The following NLGN1 variants were observed in gnomAD, a reference collection of about 807,000 sequenced individuals.
The protein encoded by NLGN1 is neuroligin-1.
Under a neutral mutation model 65.5 loss-of-function variants are expected in NLGN1, and 12 were observed. The ratio of observed to expected loss-of-function variants is 0.18; its 90% CI spans 0.12 to 0.30. NLGN1 has a LOEUF of 0.30. Ranked by LOEUF, NLGN1 falls within the 10% of genes least tolerant of loss-of-function variation. The probability of loss-of-function intolerance (pLI) is 1.00; values close to 1 mark genes in which losing one functional copy is unlikely to be tolerated. For synonymous variants in NLGN1, 350 were observed against 359.5 expected (o/e 0.97, Z 0.30); for missense variants, 750 against 1,007.1 (o/e 0.74, Z 3.46).
chr3:173,843,221 G>A (rs1725113406), intron 4 of NLGN1, among the ~76,000 whole-genome samples: 1 of 152,164 alleles, frequency 6.6e-6, no homozygotes. Flanking sequence ...GGGACCCTGG[G>A]CCCAGCACAC....
At chr3:174,154,958 A>T (rs963516477) in intron 4 of NLGN1, among the ~76,000 whole-genome samples, 88 of 139,942 alleles carry the variant, frequency 6.3e-4, no homozygotes, top group African/African-American at 2.1e-3. Context: ...ATATAATATA[A>T]TATATAATTA....
At chr3:173,825,500 G>T (rs1411449303) in intron 4 of NLGN1, among the ~76,000 whole-genome samples, 1 of 151,842 alleles carries the variant, frequency 6.6e-6, no homozygotes, top group Non-Finnish European at 1.5e-5. Flanking sequence ...GTTAGTTAAG[G>T]TTTTTCGTTT....
chr3:173,728,194 A>T (rs1242334678), intron 3 of NLGN1, among the ~76,000 whole-genome samples: 1 of 152,126 alleles, frequency 6.6e-6, no homozygotes, highest in African/African-American at 2.4e-5. Context: ...GATGTGAGAG[A>T]TGTGTAGTAG....
At chr3:173,887,273 C>T (rs1233700099) in intron 4 of NLGN1, among the ~76,000 whole-genome samples, 1 of 151,954 alleles carries the variant, frequency 6.6e-6, no homozygotes, top group Non-Finnish European at 1.5e-5. Flanking sequence ...ACCTATATTT[C>T]TTGGATCACA....
chr3:173,964,085 A>G lies in NLGN1; in HGVS notation c.646+156253A>G, dbSNP rs898891729. On this transcript the variant is annotated intron_variant, in intron 4 of 6. Transcript: ENST00000457714. ...GCCAGAGATTAAAAGATCAGTAGCTAGAATCAAGAGAAGACTTTTATTAAG... is the reference window on the plus strand; with the variant it reads ...GCCAGAGATTAAAAGATCAGTAGCTGGAATCAAGAGAAGACTTTTATTAAG... 9.2e-5 allele frequency among the ~76,000 whole-genome samples: 14 copies of G among 152,234 alleles called. No homozygotes were observed. The East Asian group carries it at 2.7e-3, about 29-fold the overall frequency.
chr3:174,024,316 A>C (rs908412541), intron 4 of NLGN1, among the ~76,000 whole-genome samples: 2 of 152,140 alleles, frequency 1.3e-5, no homozygotes, highest in Admixed American at 6.6e-5. Context: ...AAGAAAAGGC[A>C]ACCAAGAACT....
chr3:173,539,829 G>A (rs1738478554), intron 2 of NLGN1, among the ~76,000 whole-genome samples: 2 of 121,096 alleles, frequency 1.7e-5, no homozygotes, highest in African/African-American at 3.6e-5. Context: ...TGTTATATAT[G>A]TATATATGTT....
chr3:173,728,868 A>G (rs1032385960), intron 3 of NLGN1, among the ~76,000 whole-genome samples: 3 of 152,122 alleles, frequency 2.0e-5, no homozygotes, highest in Non-Finnish European at 4.4e-5. Context: ...GACTTCAAGC[A>G]TCCAGAACTG....
chr3:173,833,687 T>A (rs1212857845), intron 4 of NLGN1, among the ~76,000 whole-genome samples: 1 of 152,006 alleles, frequency 6.6e-6, no homozygotes, highest in African/African-American at 2.4e-5. Flanking sequence ...CCCTGCTAAT[T>A]TTGTATCTTT....
At chr3:173,944,135 G>GTGTA (rs1746718225) in intron 4 of NLGN1, among the ~76,000 whole-genome samples, 1 of 150,574 alleles carries the variant, frequency 6.6e-6, no homozygotes, top group African/African-American at 2.4e-5. Flanking sequence ...GTGTGTGTGT[G>GTGTA]TGTGTGTGTG....
intron 4 of NLGN1, among the ~76,000 whole-genome samples, chr3:174,166,633 C>G (rs1212967390): frequency 6.6e-6 from 1 of 151,918 alleles, no homozygotes; most frequent in African/African-American, 2.4e-5. Flanking sequence ...TTTCGGTGTG[C>G]AGATGAGGAG....
intron 4 of NLGN1, among the ~76,000 whole-genome samples, chr3:174,078,358 C>A (rs1741441359): frequency 6.6e-6 from 1 of 152,156 alleles, no homozygotes; most frequent in Admixed American, 6.5e-5. Flanking sequence ...AACTCAGTAA[C>A]ATTTATTAGA....
In NLGN1 at chr3:173,560,683, C is replaced by T. The variant is rs145878376; in HGVS notation, c.-320-43596C>T. Among the ~76,000 whole-genome samples, 625 of 151,984 alleles carry T rather than the reference C, an allele frequency of 4.1e-3. 1 individual carries two copies. The highest frequency in any genetic ancestry group is 7.3e-3 in the Non-Finnish European group (493 of 67,944). On this transcript the variant is annotated intron_variant, in intron 2 of 6. Transcript: ENST00000457714. The stretch of plus-strand genomic sequence containing the variant: ...ATTTGCAGAAAGTTTTAGTTAGTTC[C>T]GTTTACCCCAAGATAACAAGACAAA...
chr3:174,254,074 A>G (rs1745231833), intron 4 of NLGN1, among the ~76,000 whole-genome samples: 1 of 152,164 alleles, frequency 6.6e-6, no homozygotes, highest in South Asian at 2.1e-4. Context: ...CAGAACTATC[A>G]TATATCCCCT....
At chr3:173,748,867 G>A (rs1472443980) in intron 3 of NLGN1, among the ~76,000 whole-genome samples, 1 of 152,072 alleles carries the variant, frequency 6.6e-6, no homozygotes, top group Non-Finnish European at 1.5e-5. Context: ...GCAGCAAGGT[G>A]AAACTGATTG....
At chr3:174,225,069 T>C (rs1478255335) in intron 4 of NLGN1, among the ~76,000 whole-genome samples, 5 of 152,154 alleles carry the variant, frequency 3.3e-5, no homozygotes, top group Non-Finnish European at 5.9e-5. Flanking sequence ...AATACAAGTA[T>C]CTTAAATATC....
chr3:173,451,956 T>C (rs1227495805), intron 2 of NLGN1, among the ~76,000 whole-genome samples: 1 of 152,202 alleles, frequency 6.6e-6, no homozygotes, highest in East Asian at 1.9e-4. Context: ...GTGCCATCTG[T>C]CACCTGTTTC....
chr3:173,766,545 T>G (rs1163385017), intron 3 of NLGN1, among the ~76,000 whole-genome samples: 1 of 152,228 alleles, frequency 6.6e-6, no homozygotes, highest in South Asian at 2.1e-4. Flanking sequence ...ATATTAGGTA[T>G]GTGCTTGTCA....
At chr3:173,549,350 CT>C (rs1429752737) in intron 2 of NLGN1, among the ~76,000 whole-genome samples, 5 of 151,866 alleles carry the variant, frequency 3.3e-5, no homozygotes, top group Non-Finnish European at 7.4e-5. Context: ...CTTTTTTATT[CT>C]TTTGGTTTTT....
Sources: gnomAD v4.1 joint callset for allele counts (sites outside exome capture counted in the v4.1 genomes callset) on GRCh38, gnomAD v4.1.1 for gene constraint, MANE v1.5 for transcripts, NCBI Gene and HGNC (gene_info 2026-07-23, HGNC 2026-07-21) for gene names.